The following SLC25A21 variants were observed in gnomAD, a reference collection of about 807,000 sequenced individuals.
SLC25A21 encodes the protein solute carrier family 25 member 21, also known as mitochondrial 2-oxodicarboxylate carrier.
In SLC25A21, 47 loss-of-function variants were observed where a neutral mutation model predicts 43.8. The observed-to-expected ratio is 1.07, with a 90% CI of 0.85 to 1.37. SLC25A21 has a LOEUF of 1.37. SLC25A21 is among the 40% of genes most tolerant of loss of function. The probability of loss-of-function intolerance (pLI) is 0.00; values close to 1 mark genes in which losing one functional copy is unlikely to be tolerated. For synonymous variants in SLC25A21, 131 were observed against 121.3 expected, an observed-to-expected ratio of 1.08 and a Z score of -0.52; for missense variants, 352 against 350.2, an observed-to-expected ratio of 1.00 and a Z score of -0.04.
At chr14:36,862,672 T>C (rs1890105436) in intron 2 of SLC25A21, among the ~76,000 whole-genome samples, 1 of 152,084 alleles carries the variant, frequency 6.6e-6, no homozygotes. Context: ...GACGAGTTGA[T>C]GGGTGCAGCA....
intron 6 of SLC25A21, among the ~76,000 whole-genome samples, chr14:36,722,035 T>C (rs879673625): frequency 6.6e-6 from 1 of 152,218 alleles, no homozygotes; most frequent in Non-Finnish European, 1.5e-5. Context: ...TGAATTCCTA[T>C]AGACCTGAAC....
intron 1 of SLC25A21, among the ~76,000 whole-genome samples, chr14:37,043,068 G>A (rs1212511769): frequency 1.3e-5 from 2 of 152,160 alleles, no homozygotes; most frequent in Non-Finnish European, 2.9e-5. Context: ...GGACCCCACT[G>A]GGGTCATTCT....
At chr14:36,928,279 C>G (rs925681901) in intron 1 of SLC25A21, among the ~76,000 whole-genome samples, 12 of 152,046 alleles carry the variant, frequency 7.9e-5, no homozygotes, top group African/African-American at 2.7e-4. Context: ...ACAGGTACTC[C>G]AAAGAGGACT....
chr14:36,939,515 A>C (rs1219319078), intron 1 of SLC25A21, among the ~76,000 whole-genome samples: 5 of 152,040 alleles, frequency 3.3e-5, no homozygotes, highest in Non-Finnish European at 7.4e-5. Flanking sequence ...TTTGTGACAT[A>C]CTATCTCCAG....
intron 1 of SLC25A21, among the ~76,000 whole-genome samples, chr14:36,997,122 T>TA (rs1454748478): frequency 2.0e-5 from 3 of 151,962 alleles, no homozygotes; most frequent in Non-Finnish European, 4.4e-5. Flanking sequence ...ACCCTGATGA[T>TA]AAACACACTC....
intron 1 of SLC25A21, among the ~76,000 whole-genome samples, chr14:37,049,235 C>T (rs1961653893): frequency 6.6e-6 from 1 of 152,034 alleles, no homozygotes; most frequent in South Asian, 2.1e-4. Flanking sequence ...GTAAGTTTCA[C>T]CAAAAACATA....
chr14:37,140,989 C>A (rs887561475), intron 1 of SLC25A21, among the ~76,000 whole-genome samples: 1 of 152,152 alleles, frequency 6.6e-6, no homozygotes, highest in Admixed American at 6.5e-5. Context: ...CTACAAATAA[C>A]ACAAAAATTA....
intron 2 of SLC25A21, among the ~76,000 whole-genome samples, chr14:36,845,674 T>A (rs1889519945): frequency 6.6e-6 from 1 of 152,240 alleles, no homozygotes; most frequent in African/African-American, 2.4e-5. Flanking sequence ...AAACTATCAT[T>A]TTTGCCTCAA....
chr14:36,820,162 A>G (rs886108311), intron 2 of SLC25A21, among the ~76,000 whole-genome samples: 5 of 152,146 alleles, frequency 3.3e-5, no homozygotes, highest in Non-Finnish European at 7.3e-5. Flanking sequence ...CATTTCTGGC[A>G]TCACCCCTGG....
At chr14:36,814,220 A>T (rs1330214098) in intron 2 of SLC25A21, among the ~76,000 whole-genome samples, 1 of 152,230 alleles carries the variant, frequency 6.6e-6, no homozygotes, top group East Asian at 1.9e-4. Flanking sequence ...ATAGAAAAAA[A>T]ATGTATTTTC....
intron 3 of SLC25A21, among the ~76,000 whole-genome samples, chr14:36,805,517 A>G (rs1459184392): frequency 6.6e-6 from 1 of 152,134 alleles, no homozygotes; most frequent in African/African-American, 2.4e-5. Context: ...ACTGGGGAGG[A>G]ACTGTTACTT....
At chr14:36,891,715 T>C (rs2094892600) in intron 1 of SLC25A21, among the ~76,000 whole-genome samples, 1 of 152,098 alleles carries the variant, frequency 6.6e-6, no homozygotes, top group Non-Finnish European at 1.5e-5. Flanking sequence ...GTGACTAACT[T>C]TTCACCTATG....
At chr14:36,893,407 A>G (rs1188667339) in intron 1 of SLC25A21, among the ~76,000 whole-genome samples, 4 of 151,774 alleles carry the variant, frequency 2.6e-5, no homozygotes, top group African/African-American at 9.7e-5. Flanking sequence ...TTTTTCTTGT[A>G]AATTTGTTTG....
intron 1 of SLC25A21, among the ~76,000 whole-genome samples, chr14:37,040,440 A>AAAGAAAG (rs68013942): frequency 0.012 from 573 of 48,684 alleles, no homozygotes; most frequent in African/African-American, 0.037. Flanking sequence ...AGAAAGAAAG[A>AAAGAAAG]AAAGAAAAAT....
intron 1 of SLC25A21, among the ~76,000 whole-genome samples, chr14:37,007,600 AAAT>A (rs140657266): frequency 3.4e-5 from 5 of 148,106 alleles, no homozygotes; most frequent in South Asian, 2.2e-4. Context: ...TCCCTCTCAA[AAAT>A]AATAATAATA....
chr14:36,898,255 C>T (rs974196919), intron 1 of SLC25A21, among the ~76,000 whole-genome samples: 15 of 152,184 alleles, frequency 9.9e-5, no homozygotes, highest in South Asian at 2.1e-4. Context: ...CCCCCAGCCT[C>T]GCTGCCACCT....
chr14:36,832,730 T>A (rs1889080028), intron 2 of SLC25A21, among the ~76,000 whole-genome samples: 1 of 152,230 alleles, frequency 6.6e-6, no homozygotes, highest in African/African-American at 2.4e-5. Flanking sequence ...TGCAGCTTTA[T>A]GCCTTTTTAA....
intron 3 of SLC25A21, among the ~76,000 whole-genome samples, chr14:36,752,898 C>T (rs138504652): frequency 3.3e-5 from 5 of 152,236 alleles, no homozygotes; most frequent in East Asian, 1.9e-4. Context: ...CTTTCTACCA[C>T]GATTGTAAGT....
chr14:36,944,589 C>T (rs1892639256), intron 1 of SLC25A21, among the ~76,000 whole-genome samples: 1 of 152,138 alleles, frequency 6.6e-6, no homozygotes. Flanking sequence ...CTCCAAGGGC[C>T]GGCTCCAGTG....
Sources: allele counts gnomAD v4.1 joint callset (sites outside exome capture counted in the v4.1 genomes callset), GRCh38; gene constraint gnomAD v4.1.1; transcripts MANE v1.5; gene names NCBI Gene and HGNC (gene_info 2026-07-23, HGNC 2026-07-21).